Variants in FAT3 observed in about 807,000 individuals in gnomAD.
FAT3 encodes the protein protocadherin Fat 3.
FAT3 carries 95 observed loss-of-function variants against 310.2 expected under a neutral mutation model. That is an observed-to-expected ratio of 0.31 (90% CI 0.26 to 0.36). FAT3 has a LOEUF of 0.36. FAT3 is among the 10% of genes least tolerant of loss of function. FAT3 has a pLI of 1.00. For missense variants in FAT3, 5,408 were observed against 5,715.6 expected, an observed-to-expected ratio of 0.95 and a Z score of 1.74; for synonymous variants, 2,314 against 2,192.9, an observed-to-expected ratio of 1.06 and a Z score of -1.54.
intron 1 of FAT3, among the ~76,000 whole-genome samples, chr11:92,293,093 G>GA (rs1168500108): frequency 6.7e-6 from 1 of 149,508 alleles, no homozygotes; most frequent in Non-Finnish European, 1.5e-5. Context: ...AGGAAGGAAG[G>GA]AAGGAAAGGA....
chr11:92,414,836 C>G (rs1950371639), intron 2 of FAT3, among the ~76,000 whole-genome samples: 1 of 152,108 alleles, frequency 6.6e-6, no homozygotes, highest in East Asian at 1.9e-4. Context: ...CGGTGAAACC[C>G]TGTCTCTACT....
intron 2 of FAT3, among the ~76,000 whole-genome samples, chr11:92,420,594 G>A (rs144252316): frequency 6.6e-6 from 1 of 151,992 alleles, no homozygotes; most frequent in African/African-American, 2.4e-5. Context: ...TTGATGGGGG[G>A]GTTAAGAGTA....
At chr11:92,509,662 G>A (rs1274466724) in intron 2 of FAT3, among the ~76,000 whole-genome samples, 1 of 152,162 alleles carries the variant, frequency 6.6e-6, no homozygotes, top group South Asian at 2.1e-4. Context: ...CATTAAAAAT[G>A]AGTCATAGAA....
chr11:92,789,917 TCA>T (rs1334445032), intron 7 of FAT3, 24 bp from the exon 8 acceptor site: 2 of 1,609,340 alleles, frequency 1.2e-6, no homozygotes, highest in Non-Finnish European at 1.7e-6. Flanking sequence ...GCATTAGTCA[TCA>T]TTCTTTTCTT....
chr11:92,882,935 T>C lies in FAT3; in HGVS notation c.12479T>C (p.Val4160Ala). Reference protein sequence around the residue: ...VGKEELIGIAVVLFVIFILVV... With the variant: ...VGKEELIGIAAVLFVIFILVV... ...AAGGAGGAGCTCATCGGCATCGCCG[T>C]GGTCCTCTTCGTCATCTTCATCCTG... Residue 4160 changes from valine to alanine, a missense_variant, in exon 24 of 28, where the codon GTG becomes GCG. This residue lies in a region of FAT3 where 649 missense variants were observed against 666.2 expected (regional missense o/e 0.97). Coordinates refer to ENST00000525166, the MANE Select transcript of FAT3 (RefSeq NM_001367949.2). 2 of 1,613,444 alleles carry C rather than the reference T, an allele frequency of 1.2e-6. No homozygotes were observed. The highest frequency in any genetic ancestry group is 2.2e-5 in the East Asian group (1 of 44,850).
intron 4 of FAT3, among the ~76,000 whole-genome samples, chr11:92,739,724 G>T (rs922667126): frequency 6.6e-6 from 1 of 152,170 alleles, no homozygotes; most frequent in African/African-American, 2.4e-5. Flanking sequence ...CCGTGAGTGT[G>T]CACTGTGGTG....
chr11:92,704,053 G>T (rs1191997030), intron 4 of FAT3, among the ~76,000 whole-genome samples: 2 of 152,164 alleles, frequency 1.3e-5, no homozygotes, highest in Non-Finnish European at 2.9e-5. Flanking sequence ...AACAAATATG[G>T]CTACCAATAT....
chr11:92,756,139 C>T (rs1263730689), intron 4 of FAT3, among the ~76,000 whole-genome samples: 1 of 152,160 alleles, frequency 6.6e-6, no homozygotes, highest in Non-Finnish European at 1.5e-5. Flanking sequence ...AAAGTAGTTG[C>T]CCCTTTTCCA....
chr11:92,883,852 G>A lies in FAT3; in HGVS notation c.12937+459G>A, dbSNP rs1949736320. Reference sequence around the variant, plus strand: ...TGTGCTCTGGAAGGCTGGAAGAAGAGAGTATTTCCAGTCTTAGAATGAAGA... The same window carrying A: ...TGTGCTCTGGAAGGCTGGAAGAAGAAAGTATTTCCAGTCTTAGAATGAAGA... On this transcript the variant is annotated intron_variant, in intron 24 of 27. Transcript: ENST00000525166. The surrounding 1 kb of genome is among the most constrained non-coding windows in gnomAD (Gnocchi z 4.2). Among the ~76,000 whole-genome samples the A allele has an allele frequency of 6.6e-6, 1 of 152,232 alleles. No individual in the cohort carries two copies.
intron 4 of FAT3, among the ~76,000 whole-genome samples, chr11:92,727,268 A>G (rs1034670183): frequency 4.6e-5 from 7 of 152,188 alleles, no homozygotes; most frequent in African/African-American, 1.4e-4. Flanking sequence ...TGGATAATCA[A>G]AGACTTATTT....
chr11:92,519,592 G>C (rs1251778110), intron 2 of FAT3, among the ~76,000 whole-genome samples: 1 of 152,022 alleles, frequency 6.6e-6, no homozygotes, highest in Non-Finnish European at 1.5e-5. Context: ...AAAAGCCACA[G>C]ACTGGGGGGG....
intron 2 of FAT3, among the ~76,000 whole-genome samples, chr11:92,492,099 A>G (rs555921228): frequency 6.6e-6 from 1 of 152,212 alleles, no homozygotes; most frequent in Non-Finnish European, 1.5e-5. Context: ...GCAATTTGCT[A>G]GACCTAGGTG....
chr11:92,817,142 T>C (rs1947845219), intron 13 of FAT3, among the ~76,000 whole-genome samples: 1 of 151,868 alleles, frequency 6.6e-6, no homozygotes, highest in South Asian at 2.1e-4. Context: ...CCATCTGAGA[T>C]AAGCAGGGCA....
intron 6 of FAT3, 145 bp from the exon 7 acceptor site, chr11:92,773,896 G>T: frequency 1.5e-6 from 1 of 683,168 alleles, no homozygotes; most frequent in Non-Finnish European, 2.4e-6. Context: ...AAATAAAGAG[G>T]TCCCATTTAA....
At chr11:92,326,472 T>C (rs184831583) in intron 1 of FAT3, among the ~76,000 whole-genome samples, 170 of 152,346 alleles carry the variant, frequency 1.1e-3, no homozygotes, top group African/African-American at 3.9e-3. Flanking sequence ...GTATTACTTA[T>C]TGGATGCGGT....
intron 4 of FAT3, among the ~76,000 whole-genome samples, chr11:92,736,284 G>T (rs185483426): frequency 3.5e-4 from 53 of 152,174 alleles, no homozygotes; most frequent in African/African-American, 1.2e-3. Flanking sequence ...TACCAGTTTT[G>T]GGAAATGATA....
At chr11:92,807,776 A>G (rs1947546084) in intron 12 of FAT3, among the ~76,000 whole-genome samples, 1 of 152,240 alleles carries the variant, frequency 6.6e-6, no homozygotes, top group Admixed American at 6.5e-5. Context: ...GACAAGGTGC[A>G]AGGTTATGTA....
intron 3 of FAT3, among the ~76,000 whole-genome samples, chr11:92,582,027 T>C (rs1036917299): frequency 6.6e-6 from 1 of 152,172 alleles, no homozygotes; most frequent in East Asian, 1.9e-4. Context: ...CCTGATGATA[T>C]GCTAAACAAG....
intron 21 of FAT3, among the ~76,000 whole-genome samples, chr11:92,866,104 T>C (rs1256311155): frequency 2.0e-5 from 3 of 152,222 alleles, no homozygotes; most frequent in African/African-American, 7.2e-5. Context: ...AGCTTTTAAA[T>C]CTTAAATGTA....
Sources: gnomAD v4.1 joint callset for allele counts (sites outside exome capture counted in the v4.1 genomes callset) on GRCh38, gnomAD v4.1.1 for gene constraint, gnomAD v4.1.1 regional missense constraint, Gnocchi (gnomAD v3.1) non-coding constraint, MANE v1.5 for transcripts, NCBI Gene and HGNC (gene_info 2026-07-23, HGNC 2026-07-21) for gene names.